PALD1: variants seen among roughly 807,000 people sequenced by gnomAD.
PALD1 encodes the protein paladin.
Under a neutral mutation model 96.0 loss-of-function variants are expected in PALD1, and 57 were observed. That is an observed-to-expected ratio of 0.59 (90% CI 0.48 to 0.74). The LOEUF is 0.74. Among genes scored for constraint, PALD1 ranks in the 30% least tolerant of loss-of-function variants. The pLI, the probability that PALD1 is intolerant of heterozygous loss-of-function variation, is 0.00. For synonymous variants in PALD1, 464 were observed against 473.6 expected (o/e 0.98, Z 0.26); for missense variants, 1,063 against 1,143.7 (o/e 0.93, Z 1.02).
intron 1 of PALD1, among the ~76,000 whole-genome samples, chr10:70,517,719 T>C (rs1187713648): frequency 6.6e-6 from 1 of 152,062 alleles, no homozygotes; most frequent in Non-Finnish European, 1.5e-5. Context: ...AGCAGTTCCA[T>C]CCCCTAAAAT....
intron 1 of PALD1, chr10:70,485,924 G>T: frequency 6.0e-6 from 1 of 166,368 alleles, no homozygotes; most frequent in South Asian, 1.5e-4. Flanking sequence ...CACAGACGAG[G>T]ACTCTGGGAC....
chr10:70,476,914 G>A (rs374558278), upstream of PALD1, among the ~76,000 whole-genome samples: 2,316 of 149,910 alleles, frequency 0.015, 63 homozygotes, highest in African/African-American at 0.053. Flanking sequence ...TGTATTATGT[G>A]CATATGTGTA....
intron 1 of PALD1, among the ~76,000 whole-genome samples, chr10:70,493,318 T>G (rs1348417590): frequency 6.6e-6 from 1 of 152,246 alleles, no homozygotes; most frequent in Non-Finnish European, 1.5e-5. Context: ...GTGCTTACTG[T>G]AGAACTGTTC....
chr10:70,499,674 G>C (rs1402181029), intron 1 of PALD1, among the ~76,000 whole-genome samples: 3 of 152,258 alleles, frequency 2.0e-5, no homozygotes, highest in African/African-American at 7.2e-5. Context: ...GTTTGAGGTG[G>C]TGGAGTGCTT....
At position 70,529,304 on chromosome 10, in the gene PALD1, C is replaced by A; in HGVS notation, c.261C>A (p.Asp87Glu). The change falls in exon 3 of 20, where the codon GAC becomes GAA. Residue 87 changes from aspartate (D) to glutamate (E), a missense_variant. By Grantham distance (45) the Asp-to-Glu change is conservative. Transcript: ENST00000263563. ...KAHYTLGRLS[D>E]NTPEHYLVQG... The stretch of plus-strand genomic sequence containing the variant: ...ATTACACGTTGGGCCGGCTCTCGGA[C>A]AACACCCCTGAGCACTACCTGGTGC... The A allele has an allele frequency of 2.5e-6, 4 of 1,594,350 alleles. No individual in the cohort carries two copies. The highest frequency in any genetic ancestry group is 3.4e-6 in the Non-Finnish European group (4 of 1,167,678).
At chr10:70,533,103 G>C in intron 7 of PALD1, 33 bp downstream of exon 7, 15 of 1,528,452 alleles carry the variant, frequency 9.8e-6, no homozygotes, top group Non-Finnish European at 1.3e-5. Context: ...TGGGGGAGGA[G>C]TCTTGAGAGT....
chr10:70,486,748 G>A (rs1031606918), intron 1 of PALD1, among the ~76,000 whole-genome samples: 6 of 152,094 alleles, frequency 3.9e-5, no homozygotes, highest in African/African-American at 1.4e-4. Flanking sequence ...GCAACAGAGT[G>A]AGATTCTGTC....
chr10:70,529,207 T>TCCCCCCC, intron 2 of PALD1, 22 bp from the exon 3 acceptor site: 1 of 391,778 alleles, frequency 2.6e-6, no homozygotes, highest in Non-Finnish European at 4.6e-6. Flanking sequence ...GTTTCCATTC[T>TCCCCCCC]GCCCCCCCCC....
At chr10:70,495,080 T>C (rs1846167708) in intron 1 of PALD1, among the ~76,000 whole-genome samples, 1 of 152,218 alleles carries the variant, frequency 6.6e-6, no homozygotes, top group Non-Finnish European at 1.5e-5. Flanking sequence ...AACCGGAGAC[T>C]CGCTGTCTCC....
At chr10:70,547,503 C>T in intron 18 of PALD1, 57 bp downstream of exon 18, 5 of 1,277,344 alleles carry the variant, frequency 3.9e-6, no homozygotes, top group Non-Finnish European at 4.3e-6. Flanking sequence ...CAGGTGTGCA[C>T]AGCCAGGGAG....
chr10:70,529,811 G>T (rs1161958964), intron 3 of PALD1, 78 bp from the exon 4 acceptor site: 12 of 1,320,414 alleles, frequency 9.1e-6, no homozygotes, highest in African/African-American at 1.5e-5. Flanking sequence ...CTGTCCCCTG[G>T]AGCCCAGGAC....
chr10:70,527,662 G>T (rs1373298067), intron 2 of PALD1, among the ~76,000 whole-genome samples: 1 of 152,224 alleles, frequency 6.6e-6, no homozygotes, highest in Admixed American at 6.5e-5. Flanking sequence ...CTGGGTTTCA[G>T]GGAGGTAGAG....
intron 1 of PALD1, among the ~76,000 whole-genome samples, chr10:70,490,875 C>T (rs770885673): frequency 3.3e-5 from 5 of 152,186 alleles, no homozygotes; most frequent in Non-Finnish European, 7.3e-5. Context: ...TTGCCCGATA[C>T]TCGGAAAGCT....
chr10:70,534,293 C>A (rs2132378720), intron 8 of PALD1, 132 bp from the exon 9 acceptor site: 2 of 763,024 alleles, frequency 2.6e-6, no homozygotes, highest in Non-Finnish European at 4.2e-6. Context: ...ATGTCCCCTG[C>A]TTCCCACAAT....
At chr10:70,514,255 G>A (rs561437331) in intron 1 of PALD1, among the ~76,000 whole-genome samples, 1 of 152,324 alleles carries the variant, frequency 6.6e-6, no homozygotes, top group South Asian at 2.1e-4. Context: ...GGCTCCCCAG[G>A]GATTGCAGGC....
the PALD1 span, among the ~76,000 whole-genome samples, chr10:70,468,641 T>C: frequency 1.3e-5 from 2 of 151,730 alleles, no homozygotes; most frequent in African/African-American, 2.4e-5. Flanking sequence ...GCCCAGGACT[T>C]CTTATGGACG....
chr10:70,519,896 T>C (rs10999368), intron 1 of PALD1, among the ~76,000 whole-genome samples: 23,868 of 152,096 alleles, frequency 0.16, 2,292 homozygotes, highest in Admixed American at 0.22. Flanking sequence ...TTTTAACATA[T>C]GAGTTTTTAG....
chr10:70,530,292 G>A (rs1846966326), intron 4 of PALD1, among the ~76,000 whole-genome samples: 1 of 152,206 alleles, frequency 6.6e-6, no homozygotes, highest in African/African-American at 2.4e-5. Context: ...CGGGGCACAA[G>A]GTCAGAAGCC....
chr10:70,532,812 T>C (rs766470547), intron 6 of PALD1, 31 bp downstream of exon 6: 1 of 1,610,702 alleles, frequency 6.2e-7, no homozygotes, highest in African/African-American at 1.3e-5. Flanking sequence ...GCCCTGGCCA[T>C]GGGTGCTCCA....
Sources: gnomAD v4.1 joint callset for allele counts (sites outside exome capture counted in the v4.1 genomes callset) on GRCh38, gnomAD v4.1.1 for gene constraint, MANE v1.5 for transcripts, NCBI Gene and HGNC (gene_info 2026-07-23, HGNC 2026-07-21) for gene names.